The following TRAM1 variants were observed in gnomAD, a reference collection of about 807,000 sequenced individuals.
The protein encoded by TRAM1 is translocation associated membrane protein 1.
A neutral mutation model predicts 48.7 loss-of-function variants in TRAM1; 17 were observed. The ratio of observed to expected loss-of-function variants is 0.35; its 90% confidence interval spans 0.24 to 0.52. The LOEUF is 0.52. Among genes scored for constraint, TRAM1 ranks in the 20% least tolerant of loss-of-function variants. TRAM1 has a pLI of 0.94. For synonymous variants in TRAM1, 182 were observed against 154.0 expected (o/e 1.18, Z -1.34); for missense variants, 351 against 441.5 (o/e 0.79, Z 1.84).
intron 6 of TRAM1, 103 bp downstream of exon 6, chr8:70,594,402 GA>G (rs1429274225): frequency 2.7e-6 from 2 of 730,030 alleles, no homozygotes; most frequent in Non-Finnish European, 4.1e-6. Context: ...GAGGTAAGAA[GA>G]ATGGAGGAAG....
intron 8 of TRAM1, among the ~76,000 whole-genome samples, chr8:70,586,581 T>C (rs1817226246): frequency 6.6e-6 from 1 of 152,152 alleles, no homozygotes; most frequent in African/African-American, 2.4e-5. Flanking sequence ...TTCACTTTCT[T>C]CTGAGAGTTC....
At chr8:70,575,078 T>C in intron 10 of TRAM1, 73 bp from the exon 11 acceptor site, 2 of 1,093,710 alleles carry the variant, frequency 1.8e-6, no homozygotes, top group Non-Finnish European at 2.6e-6. Flanking sequence ...TATGTAAAGA[T>C]ACCTTCAGAA....
intron 2 of TRAM1, among the ~76,000 whole-genome samples, chr8:70,598,557 G>A (rs556558377): frequency 9.9e-5 from 15 of 152,050 alleles, no homozygotes; most frequent in African/African-American, 2.7e-4. Context: ...TTATCCCAGG[G>A]GTATAAATTA....
chr8:70,578,879 T>C (rs1817016041), intron 10 of TRAM1, among the ~76,000 whole-genome samples: 1 of 152,200 alleles, frequency 6.6e-6, no homozygotes, highest in Admixed American at 6.5e-5. Flanking sequence ...GCGAAAGTGA[T>C]GTACAATGGT....
chr8:70,579,145 C>T (rs1438496428), intron 10 of TRAM1, among the ~76,000 whole-genome samples: 3 of 152,186 alleles, frequency 2.0e-5, no homozygotes, highest in African/African-American at 7.2e-5. Flanking sequence ...GCGATTTCAT[C>T]ATTGTATGAA....
intron 1 of TRAM1, among the ~76,000 whole-genome samples, chr8:70,603,384 T>C (rs377325485): frequency 2.2e-4 from 33 of 152,090 alleles, no homozygotes; most frequent in Middle Eastern, 3.4e-3. Flanking sequence ...GTTTGTAATA[T>C]GAAGTCACCA....
At position 70,574,529 on chromosome 8, in the gene TRAM1, C is replaced by CTGAA. The variant is rs1227670221; in HGVS notation, c.*399_*402dup. 2.5e-5 allele frequency: 5 copies of CTGAA among 196,454 alleles called. No homozygotes were observed. Among genetic ancestry groups the CTGAA allele is most frequent in the African/African-American group, 1.2e-4 (5 of 41,754 alleles). 12.2% of individuals were successfully genotyped at this position (196,454 alleles called of 1,614,324 possible). On this transcript the variant is annotated 3_prime_UTR_variant, in exon 11 of 11. Coordinates refer to ENST00000262213, the MANE Select transcript of TRAM1 (RefSeq NM_014294.6). ...AACTTTATAGTATTTCCATGTTACC[C>CTGAA]TGAAAGATAACTTAAAAAATATGGC...
intron 1 of TRAM1, among the ~76,000 whole-genome samples, chr8:70,604,314 C>T (rs1476089830): frequency 1.3e-5 from 2 of 152,188 alleles, no homozygotes; most frequent in African/African-American, 4.8e-5. Flanking sequence ...AACTACTTTG[C>T]ACTTGTTTTA....
chr8:70,586,916 C>T lies in TRAM1; in HGVS notation c.725G>A (p.Ser242Asn), dbSNP rs1817234137. Residue 242 changes from serine to asparagine, a missense_variant, in exon 8 of 11, where the codon AGC becomes AAC. Transcript: ENST00000262213. ...TTACCCTTTCTGATACTTTTCATTG[C>T]TAAAATAAAACAGGCGGGAAATGTG... The part of the protein sequence containing the change: ...LFHISRLFYF[S>N]NEKYQKGFSL... The T allele has an allele frequency of 1.9e-6, 3 of 1,613,562 alleles. No homozygotes were observed. Among genetic ancestry groups the T allele is most frequent in the Non-Finnish European group, 2.5e-6 (3 of 1,179,794 alleles).
chr8:70,595,733 T>G (rs1298723611), intron 5 of TRAM1, among the ~76,000 whole-genome samples: 1 of 151,976 alleles, frequency 6.6e-6, no homozygotes, highest in Non-Finnish European at 1.5e-5. Context: ...CAGGCTAAAA[T>G]AGCAAGGAAA....
At chr8:70,591,975 T>C (rs983585418) in intron 6 of TRAM1, among the ~76,000 whole-genome samples, 4 of 152,196 alleles carry the variant, frequency 2.6e-5, no homozygotes, top group Non-Finnish European at 4.4e-5. Context: ...CAAAGTTGCA[T>C]ATGAAAAGTG....
intron 4 of TRAM1, 28 bp downstream of exon 4, chr8:70,597,867 G>T (rs543016015): frequency 1.3e-6 from 2 of 1,492,224 alleles, no homozygotes; most frequent in South Asian, 2.7e-5. Flanking sequence ...TAAGGAAGGA[G>T]AACAACAACC....
At chr8:70,606,439 T>G (rs1817719614) in intron 1 of TRAM1, among the ~76,000 whole-genome samples, 1 of 152,228 alleles carries the variant, frequency 6.6e-6, no homozygotes, top group Non-Finnish European at 1.5e-5. Context: ...CCAGTGATTC[T>G]CCTGCCTTGG....
intron 1 of TRAM1, among the ~76,000 whole-genome samples, chr8:70,606,199 GT>G (rs904034918): frequency 2.6e-5 from 4 of 151,822 alleles, no homozygotes; most frequent in Non-Finnish European, 5.9e-5. Context: ...TTAACATTGG[GT>G]TTTTTTTGAG....
chr8:70,587,661 T>G (rs1437339493), intron 6 of TRAM1: 1 of 154,120 alleles, frequency 6.5e-6, no homozygotes. Flanking sequence ...AAAATTGTTA[T>G]GTTCATAGTA....
chr8:70,594,639 T>G (rs57799438), intron 5 of TRAM1, 49 bp from the exon 6 acceptor site: 1 of 1,403,528 alleles, frequency 7.1e-7, no homozygotes, highest in Non-Finnish European at 9.7e-7. Flanking sequence ...ATAATTTTTT[T>G]AAAAAAAAGT....
At chr8:70,575,339 T>C (rs1816923717) in intron 10 of TRAM1, among the ~76,000 whole-genome samples, 1 of 152,210 alleles carries the variant, frequency 6.6e-6, no homozygotes, top group East Asian at 1.9e-4. Flanking sequence ...TCCTTGGGGA[T>C]ATTTGTTTAC....
intron 6 of TRAM1, among the ~76,000 whole-genome samples, chr8:70,590,086 T>G (rs1161337433): frequency 6.6e-6 from 1 of 151,826 alleles, no homozygotes; most frequent in Non-Finnish European, 1.5e-5. Flanking sequence ...AGCGTTTTAG[T>G]TTTTAACTGC....
Position 70,587,145 on chromosome 8 carries a change from C to A in TRAM1, c.602G>T (p.Gly201Val). Residue 201 changes from glycine to valine, a missense_variant, in exon 7 of 11, where the codon GGT becomes GTT. Transcript: ENST00000262213. The part of the protein sequence containing the change: ...EDIPRQLVYI[G>V]LYLFHIAGAY... ...TCCAGCAATGTGGAAGAGGTAAAGA[C>A]CAATGTAGACAAGCTGACGAGGAAT... 3 of 1,613,930 alleles carry A rather than the reference C, an allele frequency of 1.9e-6. No individual in the cohort carries two copies. The South Asian group carries it at 3.3e-5, about 18-fold the overall frequency.
Sources: gnomAD v4.1 joint callset for allele counts (sites outside exome capture counted in the v4.1 genomes callset) on GRCh38, gnomAD v4.1.1 for gene constraint, MANE v1.5 for transcripts, NCBI Gene and HGNC (gene_info 2026-07-23, HGNC 2026-07-21) for gene names.